Variants in FOXM1 observed in about 807,000 individuals in gnomAD.
FOXM1 encodes the protein forkhead box M1.
A neutral mutation model predicts 63.6 loss-of-function variants in FOXM1; 25 were observed. The observed-to-expected ratio is 0.39, with a 90% CI of 0.29 to 0.55. The LOEUF is 0.55. Ranked by LOEUF, FOXM1 falls within the 20% of genes least tolerant of loss-of-function variation. The pLI is 0.60. For missense variants in FOXM1, 879 were observed against 958.7 expected (o/e 0.92, Z 1.10); for synonymous variants, 387 against 376.9 (o/e 1.03, Z -0.31).
In FOXM1 at chr12:2,874,275, G is replaced by A. The variant is rs772277974; in HGVS notation, c.204C>T (p.Pro68=). ...CCACTACTTGCGTGTTGGGCATGGT[G>A]GGGTGGTTAATAATCTTGATCCCAG... ...FPAGIKIINH[P]TMPNTQVVAI... The change falls in exon 2 of 9, where the codon CCC becomes CCT. Residue 68 remains proline (P), a synonymous_variant. Coordinates refer to ENST00000359843, the MANE Select transcript of FOXM1 (RefSeq NM_021953.4). This position sits in a 1 kb window ranked among gnomAD's most constrained non-coding sequence, Gnocchi z 4.3. The A allele has an allele frequency of 8.1e-6, 13 of 1,614,042 alleles. No individual in the cohort carries two copies. The highest frequency in any genetic ancestry group is 4.4e-5 in the South Asian group (4 of 91,090).
intron 8 of FOXM1, among the ~76,000 whole-genome samples, chr12:2,860,660 G>A (rs1305179781): frequency 1.3e-5 from 2 of 151,768 alleles, no homozygotes; most frequent in East Asian, 1.9e-4. Context: ...ATCACCTGAG[G>A]TCAGAAGTTC....
Position 2,864,161 on chromosome 12 carries a change from C to T in FOXM1, c.1266+159G>A. 1 of 660,652 alleles carries T rather than the reference C, an allele frequency of 1.5e-6. No homozygotes were observed. Among genetic ancestry groups the T allele is most frequent in the Non-Finnish European group, 2.6e-6 (1 of 382,268 alleles). 40.9% of individuals were successfully genotyped at this position (660,652 alleles called of 1,614,324 possible). A position where few individuals can be genotyped will look rare whatever the true frequency, so the allele number is the denominator to read the frequency against. On this transcript the variant is annotated intron_variant, in intron 8 of 8. Coordinates refer to ENST00000359843, the MANE Select transcript of FOXM1 (RefSeq NM_021953.4). This position sits in a 1 kb window ranked among gnomAD's most constrained non-coding sequence, Gnocchi z 5.1. ...CATTGTAATCCAAATACCTTTTTAG[C>T]TCTTCTAATGCTATTACACTTCCCT... is the stretch of plus-strand genomic sequence containing the variant.
Position 2,859,002 on chromosome 12 carries a change from G to A in FOXM1, c.1928C>T (p.Ser643Phe), listed in dbSNP as rs768487105. ...AGGCAAGGGGTCAGAGGCACCCTGGGAGGTTTGTACTGGGCTGAAATCCAG... is the reference window on the plus strand; with the variant it reads ...AGGCAAGGGGTCAGAGGCACCCTGGAAGGTTTGTACTGGGCTGAAATCCAG... The part of the protein sequence containing the change: ...GGLDFSPVQT[S>F]QGASDPLPDP... The change falls in exon 9 of 9, where the codon TCC becomes TTC. Residue 643 changes from serine (S) to phenylalanine (F), a missense_variant. Ser to Phe is a radical substitution (Grantham distance 155). This residue lies in a region of FOXM1 where 486 missense variants were observed against 453.5 expected (regional missense o/e 1.07). Transcript: ENST00000359843. The A allele has an allele frequency of 9.3e-6, 15 of 1,613,200 alleles. No individual in the cohort carries two copies. The African/African-American group carries it at 2.0e-4, about 22-fold the overall frequency.
rs376350796 is a variant in FOXM1 at position 2,868,441 on chromosome 12, T to C, written c.846+122A>G. ...ATTGAGTCACAATCTAAAAGATACA[T>C]TTGTTTATCATTCTAGTGTCCTTTG... On this transcript the variant is annotated intron_variant, in intron 4 of 8. Transcript: ENST00000359843. The C allele has an allele frequency of 6.3e-5, 43 of 682,090 alleles. No homozygotes were observed. In the African/African-American group the frequency reaches 6.9e-4, roughly 11 times the overall value. 42.3% of individuals were successfully genotyped at this position (682,090 alleles called of 1,614,324 possible). A position where few individuals can be genotyped will look rare whatever the true frequency, so the allele number is the denominator to read the frequency against.
At chr12:2,860,383 A>T (rs1322559178) in intron 8 of FOXM1, among the ~76,000 whole-genome samples, 1 of 151,306 alleles carries the variant, frequency 6.6e-6, no homozygotes, top group Non-Finnish European at 1.5e-5. Context: ...TACAGGTGGG[A>T]GGCTGAGGTG....
intron 6 of FOXM1, 131 bp downstream of exon 6, chr12:2,865,224 G>T: frequency 2.5e-6 from 2 of 796,572 alleles, no homozygotes; most frequent in Non-Finnish European, 4.1e-6. Context: ...TGTGTCTAGG[G>T]CTGGCACCTA....
rs2098096702 is a variant in FOXM1 at position 2,858,493 on chromosome 12, G to A, written c.*145C>T. 2 of 673,722 alleles carry A rather than the reference G, an allele frequency of 3.0e-6. No individual in the cohort carries two copies. The highest frequency in any genetic ancestry group is 2.7e-5 in the East Asian group (1 of 36,608). 41.7% of individuals were successfully genotyped at this position (673,722 alleles called of 1,614,324 possible). A position where few individuals can be genotyped will look rare whatever the true frequency, so the allele number is the denominator to read the frequency against. ...TCCCAGCAGTGGCTAGGGTGTGACT[G>A]CTACTTTTGCATAATCAGGCAGCAG... On this transcript the variant is annotated 3_prime_UTR_variant, in exon 9 of 9. Coordinates refer to ENST00000359843, the MANE Select transcript of FOXM1 (RefSeq NM_021953.4).
At chr12:2,873,306 G>A (rs1384523002) in intron 2 of FOXM1, among the ~76,000 whole-genome samples, 1 of 150,432 alleles carries the variant, frequency 6.6e-6, no homozygotes, top group Non-Finnish European at 1.5e-5. Flanking sequence ...GGCTGAGGCA[G>A]GAGAATCACT....
intron 4 of FOXM1, among the ~76,000 whole-genome samples, chr12:2,867,203 G>A (rs894189686): frequency 2.0e-4 from 31 of 151,880 alleles, no homozygotes; most frequent in African/African-American, 7.5e-4. Flanking sequence ...GGTGGCTCAC[G>A]CCTGTAATCA....
rs1410663538 is a variant in FOXM1 at position 2,857,954 on chromosome 12, C to G, written c.*684G>C. On this transcript the variant is annotated 3_prime_UTR_variant, in exon 9 of 9. Transcript: ENST00000359843. ...TTCAGTTGCATCCATCCTCCCACCC[C>G]AAATTCAACTCCTGACCCAATACAA... is the stretch of plus-strand genomic sequence containing the variant. 3 of 152,602 alleles carry G rather than the reference C, an allele frequency of 2.0e-5. No individual in the cohort carries two copies. Among genetic ancestry groups the G allele is most frequent in the Non-Finnish European group, 4.4e-5 (3 of 68,116 alleles). 9.5% of individuals were successfully genotyped at this position (152,602 alleles called of 1,614,324 possible). A position where few individuals can be genotyped will look rare whatever the true frequency, so the allele number is the denominator to read the frequency against.
At chr12:2,876,348 AT>A (rs2098143529) in intron 1 of FOXM1, 1 of 151,870 alleles carries the variant, frequency 6.6e-6, no homozygotes. Flanking sequence ...TTTCCACAGG[AT>A]ATCTAAGTCT....
Position 2,858,630 on chromosome 12 carries a change from G to A in FOXM1, c.*8C>T. The A allele has an allele frequency of 1.2e-6, 2 of 1,610,960 alleles. No individual in the cohort carries two copies. Among genetic ancestry groups the A allele is most frequent in the Non-Finnish European group, 1.7e-6 (2 of 1,178,160 alleles). On this transcript the variant is annotated 3_prime_UTR_variant, in exon 9 of 9. Transcript: ENST00000359843. ...GGACAGCTTGAGCACAGGGGCAAGG[G>A]CAGGGCTCTACTGTAGCTCAGGAAT...
In FOXM1 at chr12:2,874,554, T is replaced by TA; in HGVS notation, c.-47-30dup. ...GAAAATGCAAATAGTGGCAAGATGTTAGAGATTGTTTAGGCTGAGAAGAGG... is the reference window on the plus strand; with the variant it reads ...GAAAATGCAAATAGTGGCAAGATGTTAAGAGATTGTTTAGGCTGAGAAGAGG... On this transcript the variant is annotated intron_variant, in intron 1 of 8. Transcript: ENST00000359843. The surrounding 1 kb of genome is among the most constrained non-coding windows in gnomAD (Gnocchi z 4.3). The TA allele has an allele frequency of 6.9e-7, 1 of 1,457,276 alleles. No individual in the cohort carries two copies. Among genetic ancestry groups the TA allele is most frequent in the East Asian group, 2.3e-5 (1 of 44,052 alleles). 90.3% of individuals were successfully genotyped at this position (1,457,276 alleles called of 1,614,324 possible).
intron 3 of FOXM1, among the ~76,000 whole-genome samples, chr12:2,870,957 CAA>C (rs11310343): frequency 5.6e-4 from 22 of 39,118 alleles, no homozygotes; most frequent in African/African-American, 1.2e-3. Context: ...GACTACGTCT[CAA>C]AAAAAAAAAA....
rs2098119837 is a variant in FOXM1, at chr12:2,864,643, G to T, written c.1090+40C>A. The T allele has an allele frequency of 1.2e-6, 2 of 1,608,196 alleles. No individual in the cohort carries two copies. The highest frequency in any genetic ancestry group is 3.3e-4 in the Middle Eastern group (2 of 5,988). ...CTGGTTCCCTAAAGATATGGCCCCA[G>T]AACAAGGACCAGGCCCAAGGCCCAC... On this transcript the variant is annotated intron_variant, in intron 7 of 8. Coordinates refer to ENST00000359843, the MANE Select transcript of FOXM1 (RefSeq NM_021953.4). This position sits in a 1 kb window ranked among gnomAD's most constrained non-coding sequence, Gnocchi z 5.1.
rs757621144 is a variant in FOXM1, at chr12:2,874,503, A to G, written c.-25T>C. 3 of 1,582,106 alleles carry G rather than the reference A, an allele frequency of 1.9e-6. No individual in the cohort carries two copies. The highest frequency in any genetic ancestry group is 1.8e-5 in the Admixed American group (1 of 56,348). ...TTATGAATCTGCGTTTTCACTCTCC[A>G]TTGAGAATCACAAGTGTGGACCCTG... On this transcript the variant is annotated 5_prime_UTR_variant, in exon 2 of 9. The change abolishes an upstream ATG in the 5' untranslated region. Transcript: ENST00000359843. This position sits in a 1 kb window ranked among gnomAD's most constrained non-coding sequence, Gnocchi z 4.3.
chr12:2,859,078 G>T lies in FOXM1; in HGVS notation c.1852C>A (p.Pro618Thr). The change falls in exon 9 of 9, where the codon CCC (proline) becomes ACC (threonine). Residue 618 changes from proline (P) to threonine (T), a missense_variant. Coordinates refer to ENST00000359843, the MANE Select transcript of FOXM1 (RefSeq NM_021953.4). ...ISSTPSKSVL[P>T]RTPESWRLTP... ...AGCCTCCAGGATTCAGGGGTTCTGG[G>T]GAGGACAGATTTGCTCGGGGTGGAG... The T allele has an allele frequency of 6.2e-7, 1 of 1,608,018 alleles. No individual in the cohort carries two copies. The highest frequency in any genetic ancestry group is 1.1e-5 in the South Asian group (1 of 90,878).
At position 2,861,302 on chromosome 12, in the gene FOXM1, T is replaced by C. The variant is rs762163145; in HGVS notation, c.1267-1639A>G. 12 of 730,968 alleles carry C rather than the reference T, an allele frequency of 1.6e-5. No individual in the cohort carries two copies. The East Asian group carries it at 3.2e-4, about 19-fold the overall frequency. The allele number at this position is 730,968 out of a possible 1,614,324, so 45.3% of individuals were successfully genotyped here. ...ATGACAAGGTGCTCAGACTTACTGA[T>C]AAACAAAGAAAGATAAAATTAAACA... On this transcript the variant is annotated intron_variant, in intron 8 of 8. Transcript: ENST00000359843.
rs1352774418 is a variant in FOXM1 at position 2,872,408 on chromosome 12, A to G, written c.503-161T>C. On this transcript the variant is annotated intron_variant, in intron 2 of 8. Coordinates refer to ENST00000359843, the MANE Select transcript of FOXM1 (RefSeq NM_021953.4). This position sits in a 1 kb window ranked among gnomAD's most constrained non-coding sequence, Gnocchi z 4.0. ...GTGGATCTCCTGAGGTCAGGAGTTC[A>G]AGACCAGCCTGGCCAACATGGTGAA... Among the ~76,000 whole-genome samples the G allele has an allele frequency of 6.6e-6, 1 of 152,090 alleles. No homozygotes were observed. The highest frequency in any genetic ancestry group is 1.5e-5 in the Non-Finnish European group (1 of 68,006).
Sources: allele counts gnomAD v4.1 joint callset (sites outside exome capture counted in the v4.1 genomes callset), GRCh38; gene constraint gnomAD v4.1.1; regional missense constraint gnomAD v4.1.1; non-coding constraint Gnocchi (gnomAD v3.1); transcripts MANE v1.5; gene names NCBI Gene and HGNC (gene_info 2026-07-23, HGNC 2026-07-21).